SPMIP2: variants seen among roughly 807,000 people sequenced by gnomAD.
SPMIP2 encodes protein SPMIP2.
At chr4:158,904,862 G>A in the SPMIP2 span, 1 of 273,196 alleles carries the variant, frequency 3.7e-6, no homozygotes, top group Non-Finnish European at 7.1e-6. Flanking sequence ...GCCTTGTGCT[G>A]TTTGGGCAGA....
chr4:158,972,897 A>AT, the SPMIP2 span, among the ~76,000 whole-genome samples: 2 of 152,226 alleles, frequency 1.3e-5, no homozygotes, highest in African/African-American at 4.8e-5. Context: ...CCCTTGATGT[A>AT]TTAAAGGGCT....
At chr4:158,961,569 A>T in the SPMIP2 span, among the ~76,000 whole-genome samples, 1 of 152,114 alleles carries the variant, frequency 6.6e-6, no homozygotes, top group East Asian at 1.9e-4. Context: ...ATTGAATTTT[A>T]TTATCAGCTT....
chr4:158,937,910 A>G, the SPMIP2 span, among the ~76,000 whole-genome samples: 1 of 152,254 alleles, frequency 6.6e-6, no homozygotes, highest in Non-Finnish European at 1.5e-5. Context: ...ATGAAATATG[A>G]AAGATAATTT....
the SPMIP2 span, among the ~76,000 whole-genome samples, chr4:158,936,167 T>C: frequency 6.6e-6 from 1 of 152,212 alleles, no homozygotes; most frequent in African/African-American, 2.4e-5. Context: ...CTGGAGATTC[T>C]CTGGTTGACT....
At chr4:158,936,123 A>T in the SPMIP2 span, among the ~76,000 whole-genome samples, 1 of 152,098 alleles carries the variant, frequency 6.6e-6, no homozygotes, top group East Asian at 1.9e-4. Context: ...AACAAACCTT[A>T]TATTCTTCTC....
chr4:159,039,350 G>A, the SPMIP2 span, among the ~76,000 whole-genome samples: 1 of 152,200 alleles, frequency 6.6e-6, no homozygotes, highest in Non-Finnish European at 1.5e-5. Context: ...GGCCCAGCAG[G>A]AAACTGTTGA....
chr4:159,054,085 C>T, the SPMIP2 span, among the ~76,000 whole-genome samples: 1 of 152,144 alleles, frequency 6.6e-6, no homozygotes, highest in East Asian at 1.9e-4. Context: ...AGCAGTCTTC[C>T]TGCTTCACCT....
chr4:159,076,798 G>A, the SPMIP2 span, among the ~76,000 whole-genome samples: 1 of 151,332 alleles, frequency 6.6e-6, no homozygotes, highest in Non-Finnish European at 1.5e-5. Context: ...CTCCAGAGTC[G>A]CTGGGATTAC....
the SPMIP2 span, among the ~76,000 whole-genome samples, chr4:159,001,581 G>C: frequency 6.6e-6 from 1 of 152,134 alleles, no homozygotes; most frequent in Non-Finnish European, 1.5e-5. Context: ...CCACTTATAA[G>C]TGAGAACATG....
At chr4:159,024,584 G>A in the SPMIP2 span, among the ~76,000 whole-genome samples, 1 of 152,158 alleles carries the variant, frequency 6.6e-6, no homozygotes, top group African/African-American at 2.4e-5. Context: ...CAGACAAAAT[G>A]ACGCCTGTAG....
chr4:158,941,564 C>T, the SPMIP2 span, among the ~76,000 whole-genome samples: 1 of 152,060 alleles, frequency 6.6e-6, no homozygotes, highest in Non-Finnish European at 1.5e-5. Flanking sequence ...GAGGCTGTGG[C>T]AAGAGGATTG....
chr4:159,036,577 GC>G, the SPMIP2 span, among the ~76,000 whole-genome samples: 4 of 152,056 alleles, frequency 2.6e-5, no homozygotes, highest in Non-Finnish European at 4.4e-5. Flanking sequence ...TAACCACCTT[GC>G]CCCCCACTTT....
the SPMIP2 span, among the ~76,000 whole-genome samples, chr4:158,938,105 T>C: frequency 1.4e-4 from 21 of 152,294 alleles, no homozygotes; most frequent in East Asian, 3.3e-3. Context: ...CTAAACAAAA[T>C]TGGATGATCC....
At chr4:159,051,545 A>G in the SPMIP2 span, among the ~76,000 whole-genome samples, 16 of 152,368 alleles carry the variant, frequency 1.1e-4, no homozygotes, top group South Asian at 2.1e-4. Context: ...GACCATTTAT[A>G]CTATGGTTAT....
At chr4:159,072,429 C>T in the SPMIP2 span, among the ~76,000 whole-genome samples, 1 of 147,800 alleles carries the variant, frequency 6.8e-6, no homozygotes, top group Non-Finnish European at 1.5e-5. Flanking sequence ...TTTAATGATG[C>T]TCATTGTTAA....
At chr4:158,918,363 G>A in the SPMIP2 span, among the ~76,000 whole-genome samples, 6 of 152,212 alleles carry the variant, frequency 3.9e-5, no homozygotes, top group African/African-American at 1.2e-4. Context: ...TTATTTACAA[G>A]TACAGATTAA....
At chr4:159,067,000 T>C in the SPMIP2 span, among the ~76,000 whole-genome samples, 1,595 of 152,256 alleles carry the variant, frequency 0.01, 33 homozygotes, top group African/African-American at 0.037. Context: ...CAGGAACCTG[T>C]AAGTCAAAAA....
chr4:158,931,810 AC>A, the SPMIP2 span, among the ~76,000 whole-genome samples: 6 of 151,942 alleles, frequency 3.9e-5, no homozygotes, highest in Non-Finnish European at 8.8e-5. Flanking sequence ...TGATCTGCCC[AC>A]CTTGGCCTCC....
chr4:158,929,453 T>G, the SPMIP2 span, among the ~76,000 whole-genome samples: 1 of 152,248 alleles, frequency 6.6e-6, no homozygotes, highest in South Asian at 2.1e-4. Context: ...TTTCTCTATT[T>G]CTTCATGCTT....
Sources: gnomAD v4.1 joint callset for allele counts (sites outside exome capture counted in the v4.1 genomes callset) on GRCh38, gnomAD v4.1.1 for gene constraint, MANE v1.5 for transcripts, NCBI Gene and HGNC (gene_info 2026-07-23, HGNC 2026-07-21) for gene names.